Variants in TRIM36 observed in about 807,000 individuals in gnomAD.
TRIM36 encodes tripartite motif containing 36.
Under a neutral mutation model 72.4 loss-of-function variants are expected in TRIM36, and 42 were observed. The ratio of observed to expected loss-of-function variants is 0.58; its 90% CI spans 0.45 to 0.75. The LOEUF is 0.75. Among genes scored for constraint, TRIM36 ranks in the 30% least tolerant of loss-of-function variants. The pLI is 0.00. For synonymous variants in TRIM36, 315 were observed against 282.8 expected (o/e 1.11, Z -1.14); for missense variants, 913 against 857.1 (o/e 1.07, Z -0.81).
Position 115,169,806 on chromosome 5 carries a change from G to C in TRIM36, c.-172C>G. On this transcript the variant is annotated 5_prime_UTR_variant, in exon 1 of 10. Transcript: ENST00000513154. The stretch of plus-strand genomic sequence containing the variant: ...ACCGACGCGGGGAGAAGTAAGCCGG[G>C]GCAGGCAAAAGCACAGGCGCGGGAG... 4 of 1,319,958 alleles carry C rather than the reference G, an allele frequency of 3.0e-6. No individual in the cohort carries two copies. Among genetic ancestry groups the C allele is most frequent in the African/African-American group, 1.5e-5 (1 of 66,056 alleles). The allele number at this position is 1,319,958 out of a possible 1,614,324, so 81.8% of individuals were successfully genotyped here.
chr5:115,136,124 C>T (rs567301633), intron 7 of TRIM36, among the ~76,000 whole-genome samples: 3 of 151,898 alleles, frequency 2.0e-5, no homozygotes, highest in East Asian at 3.9e-4. Context: ...CCCCACCCCT[C>T]GCCACTGGAA....
Position 115,133,953 on chromosome 5 carries a change from T to C in TRIM36, c.1405A>G (p.Ser469Gly), listed in dbSNP as rs1448185480. 2 of 1,613,922 alleles carry C rather than the reference T, an allele frequency of 1.2e-6. No homozygotes were observed. Among genetic ancestry groups the C allele is most frequent in the Admixed American group, 1.7e-5 (1 of 59,988 alleles). The stretch of plus-strand genomic sequence containing the variant: ...CTTACTCTGAAAGCATAGGTACTAC[T>C]GTTTTCCAAGTCTTGAATTATTTTA... ...TSKIIQDLEN[S>G]STYAFRVRAY... The change falls in exon 8 of 10, where the codon AGT becomes GGT. Residue 469 changes from serine (S) to glycine (G), a missense_variant. By Grantham distance (56) the Ser-to-Gly change is moderately conservative (BLOSUM62 0). Transcript: ENST00000513154.
At position 115,141,392 on chromosome 5, in the gene TRIM36, T is replaced by C. The variant is rs369167236; in HGVS notation, c.736-18A>G. On this transcript the variant is annotated intron_variant, in intron 4 of 9. Transcript: ENST00000513154. Reference sequence around the variant, plus strand: ...AGCTTTTCCTGTTGAAACATATTCGTAACACAAATAGACAAAACGGGAGTT... The same window carrying C: ...AGCTTTTCCTGTTGAAACATATTCGCAACACAAATAGACAAAACGGGAGTT... The C allele has an allele frequency of 3.9e-6, 6 of 1,551,200 alleles. No homozygotes were observed. In the African/African-American group the frequency reaches 5.6e-5, roughly 14 times the overall value.
intron 1 of TRIM36, among the ~76,000 whole-genome samples, chr5:115,166,957 C>A (rs1374153607): frequency 6.6e-6 from 1 of 152,216 alleles, no homozygotes; most frequent in Non-Finnish European, 1.5e-5. Flanking sequence ...CACACTGTAC[C>A]CCGCGCTCGC....
chr5:115,163,378 T>C lies in TRIM36; in HGVS notation c.262+140A>G, dbSNP rs73251562. 7.5e-4 allele frequency: 521 copies of C among 693,598 alleles called. 2 individuals carry two copies. In the African/African-American group the frequency reaches 8.3e-3, roughly 11 times the overall value. The allele number at this position is 693,598 out of a possible 1,614,324, so 43.0% of individuals were successfully genotyped here. ...CATTTTAACAGTGGGGGAGGCCCCT[T>C]TATAACTACAGTTTTAATTTATTCA... On this transcript the variant is annotated intron_variant, in intron 2 of 9. Coordinates refer to ENST00000513154, the MANE Select transcript of TRIM36 (RefSeq NM_001300759.2).
At position 115,126,812 on chromosome 5, in the gene TRIM36, A is replaced by T. The variant is rs1448620526; in HGVS notation, c.1842T>A (p.Cys614Ter). Residue 614 changes from cysteine (C) to a stop codon, truncating the protein, a stop_gained, in exon 10 of 10, where the codon TGT (cysteine) becomes TGA (stop). Coordinates refer to ENST00000513154, the MANE Select transcript of TRIM36 (RefSeq NM_001300759.2). LOFTEE classifies it high-confidence loss of function. ...SGHDSGSEDA[C>*]FDSSQPFTLV... ...AGGTAAATGGTTGTGAAGAATCAAA[A>T]CAGGCATCCTCACTTCCACTGTCAT... The T allele has an allele frequency of 6.2e-7, 1 of 1,614,062 alleles. No individual in the cohort carries two copies. The highest frequency in any genetic ancestry group is 1.7e-5 in the Admixed American group (1 of 60,016).
At chr5:115,153,836 C>T (rs2112872119) in intron 2 of TRIM36, 1 of 152,332 alleles carries the variant, frequency 6.6e-6, no homozygotes. Flanking sequence ...ATGGACCTAA[C>T]AGTTACATGC....
chr5:115,130,641 C>T lies in TRIM36; in HGVS notation c.1747G>A (p.Asp583Asn), dbSNP rs770374685. The T allele has an allele frequency of 1.1e-5, 18 of 1,614,062 alleles. No individual in the cohort carries two copies. Among genetic ancestry groups the T allele is most frequent in the South Asian group, 7.7e-5 (7 of 91,090 alleles). ...YLVKVGVASS[D>N]KLQEWLRSPR... ...GAACGGAGCCATTCTTGTAGTTTAT[C>T]GCTAGAAGCAACTCCCACTTTTACC... is the stretch of plus-strand genomic sequence containing the variant. Residue 583 changes from aspartate (D) to asparagine (N), a missense_variant, in exon 9 of 10, where the codon GAT becomes AAT. Asp to Asn is a conservative substitution (Grantham distance 23). Transcript: ENST00000513154.
chr5:115,146,394 T>C (rs34591046), intron 3 of TRIM36, among the ~76,000 whole-genome samples: 332 of 152,302 alleles, frequency 2.2e-3, no homozygotes, highest in Non-Finnish European at 3.9e-3. Context: ...AGTAAGAACT[T>C]TGAAAAACTC....
Position 115,130,963 on chromosome 5 carries a change from TTACAGAAATTACTGAAGAGAGACAGG to T in TRIM36, c.1499-100_1499-75del, listed in dbSNP as rs1418636187. 1.3e-5 allele frequency: 19 copies of T among 1,464,214 alleles called. No homozygotes were observed. In the Admixed American group the frequency reaches 1.3e-4, roughly 10 times the overall value. The allele number at this position is 1,464,214 out of a possible 1,614,324, so 90.7% of individuals were successfully genotyped here. On this transcript the variant is annotated intron_variant, in intron 8 of 9. Transcript: ENST00000513154. Reference sequence around the variant, plus strand: ...AGTTTGTTAAATCTGATAGGTTTTCTTACAGAAATTACTGAAGAGAGACAGGAAGCGGGAAGGAGGTGTCACACTAC... The same window carrying T: ...AGTTTGTTAAATCTGATAGGTTTTCTAAGCGGGAAGGAGGTGTCACACTAC...
chr5:115,152,734 C>T (rs1753961338), intron 2 of TRIM36, among the ~76,000 whole-genome samples: 1 of 152,148 alleles, frequency 6.6e-6, no homozygotes, highest in Non-Finnish European at 1.5e-5. Flanking sequence ...AAAAAATTAT[C>T]AGCCAAGAAT....
intron 1 of TRIM36, chr5:115,169,155 G>GCCGCCCC (rs1754952524): frequency 6.2e-6 from 1 of 160,194 alleles, no homozygotes; most frequent in African/African-American, 2.4e-5. Flanking sequence ...GGCAGGCGAA[G>GCCGCCCC]CCGGGGAGGA....
intron 4 of TRIM36, 90 bp from the exon 5 acceptor site, chr5:115,141,464 C>G (rs2089839802): frequency 1.5e-6 from 1 of 661,980 alleles, no homozygotes; most frequent in South Asian, 2.3e-5. Flanking sequence ...AGGACTCATC[C>G]TCTTCTACAG....
At chr5:115,157,052 A>G (rs1341176517) in intron 2 of TRIM36, among the ~76,000 whole-genome samples, 2 of 152,230 alleles carry the variant, frequency 1.3e-5, no homozygotes, top group Non-Finnish European at 2.9e-5. Flanking sequence ...GTCAACAAAC[A>G]TATTTCAAAA....
At chr5:115,135,946 T>C (rs1288260666) in intron 7 of TRIM36, among the ~76,000 whole-genome samples, 1 of 152,136 alleles carries the variant, frequency 6.6e-6, no homozygotes, top group East Asian at 1.9e-4. Context: ...AATTATACTA[T>C]AAATATATCT....
At chr5:115,177,479 GA>G in intron 1 of TRIM36, 1 of 1,195,956 alleles carries the variant, frequency 8.4e-7, no homozygotes, top group South Asian at 2.2e-5. Context: ...TTACAAACCC[GA>G]ACTACAAAGT....
At position 115,130,609 on chromosome 5, in the gene TRIM36, C is replaced by T; in HGVS notation, c.1779G>A (p.Arg593=). 6.2e-7 allele frequency: 1 copy of T among 1,613,892 alleles called. No individual in the cohort carries two copies. The part of the protein sequence containing the change: ...DKLQEWLRSP[R]DAVSPRYEQD... Reference sequence around the variant, plus strand: ...AAACCTACCTTGGACTAACTGCATCCCGGGGAGAACGGAGCCATTCTTGTA... The same window carrying T: ...AAACCTACCTTGGACTAACTGCATCTCGGGGAGAACGGAGCCATTCTTGTA... The change falls in exon 9 of 10, where the codon CGG becomes CGA. Residue 593 remains arginine, a synonymous_variant. Coordinates refer to ENST00000513154, the MANE Select transcript of TRIM36 (RefSeq NM_001300759.2).
chr5:115,144,799 C>A (rs1753488539), intron 3 of TRIM36, 55 bp from the exon 4 acceptor site: 1 of 1,510,692 alleles, frequency 6.6e-7, no homozygotes, highest in East Asian at 2.4e-5. Flanking sequence ...AGTAATCTAA[C>A]AAATTACCAA....
At chr5:115,137,338 T>C (rs2112799586) in intron 6 of TRIM36, 25 bp downstream of exon 6, 2 of 1,588,380 alleles carry the variant, frequency 1.3e-6, no homozygotes, top group Non-Finnish European at 8.5e-7. Flanking sequence ...CAATAGGTTC[T>C]AAAGTTAGAA....
Sources: gnomAD v4.1 joint callset for allele counts (sites outside exome capture counted in the v4.1 genomes callset) on GRCh38, gnomAD v4.1.1 for gene constraint, MANE v1.5 for transcripts, NCBI Gene and HGNC (gene_info 2026-07-23, HGNC 2026-07-21) for gene names.